MAP4K4: variants seen among roughly 807,000 people sequenced by gnomAD.
MAP4K4 encodes mitogen-activated protein kinase kinase kinase kinase 4, also known as HPK/GCK-like kinase HGK.
In MAP4K4, 38 loss-of-function variants were observed where a neutral mutation model predicts 189.6. The ratio of observed to expected loss-of-function variants is 0.20; its 90% CI spans 0.15 to 0.26. The LOEUF (loss-of-function observed/expected upper bound fraction) is 0.26, where lower values mean the gene tolerates loss of function less well. Among genes scored for constraint, MAP4K4 ranks in the 10% least tolerant of loss-of-function variants. The pLI is 1.00. For missense variants in MAP4K4, 1,054 were observed against 1,726.9 expected (o/e 0.61, Z 6.91); for synonymous variants, 610 against 624.3 (o/e 0.98, Z 0.34).
At chr2:101,785,489 G>C (rs1575509982) in intron 2 of MAP4K4, among the ~76,000 whole-genome samples, 1 of 152,130 alleles carries the variant, frequency 6.6e-6, no homozygotes, top group African/African-American at 2.4e-5. Context: ...ACTCCTCACA[G>C]TTCCTCTTAA....
intron 3 of MAP4K4, among the ~76,000 whole-genome samples, chr2:101,820,937 G>A (rs2096012857): frequency 6.6e-6 from 1 of 152,144 alleles, no homozygotes; most frequent in Non-Finnish European, 1.5e-5. Flanking sequence ...TTATTTGGGG[G>A]CATGCTTCCT....
At chr2:101,708,509 G>C (rs950506818) in intron 2 of MAP4K4, among the ~76,000 whole-genome samples, 1 of 152,238 alleles carries the variant, frequency 6.6e-6, no homozygotes, top group African/African-American at 2.4e-5. Context: ...AGGATGCCAA[G>C]CAGTGCCATG....
chr2:101,847,917 TTATAGCA>T (rs1056499150), intron 12 of MAP4K4, among the ~76,000 whole-genome samples: 9 of 152,198 alleles, frequency 5.9e-5, no homozygotes, highest in Non-Finnish European at 1.2e-4. Context: ...TTGTAATCTT[TTATAGCA>T]TGTTTTTACT....
chr2:101,716,313 G>GT, intron 2 of MAP4K4, among the ~76,000 whole-genome samples: 1 of 152,084 alleles, frequency 6.6e-6, no homozygotes, highest in Non-Finnish European at 1.5e-5. Context: ...CGTGGTGGCA[G>GT]GTGCCTGTAG....
At chr2:101,751,719 GCTTTCA>G (rs796586735) in intron 2 of MAP4K4, among the ~76,000 whole-genome samples, 51 of 152,230 alleles carry the variant, frequency 3.4e-4, no homozygotes, top group African/African-American at 1.1e-3. Flanking sequence ...AACTAAACTG[GCTTTCA>G]TTTAAAACCA....
chr2:101,777,758 G>T (rs1462897468), intron 2 of MAP4K4, among the ~76,000 whole-genome samples: 4 of 152,182 alleles, frequency 2.6e-5, no homozygotes, highest in Admixed American at 1.3e-4. Context: ...CTAGAGCACA[G>T]ATTTTGCACA....
chr2:101,714,777 T>C (rs989081086), intron 2 of MAP4K4, among the ~76,000 whole-genome samples: 2 of 152,200 alleles, frequency 1.3e-5, no homozygotes, highest in African/African-American at 4.8e-5. Flanking sequence ...AACTCTCTGG[T>C]AAAAGAATGT....
intron 3 of MAP4K4, among the ~76,000 whole-genome samples, chr2:101,796,544 T>C (rs1400912580): frequency 6.6e-6 from 1 of 152,228 alleles, no homozygotes; most frequent in Non-Finnish European, 1.5e-5. Context: ...TGTGAAAGTA[T>C]AACCATTTCA....
chr2:101,801,741 C>T (rs1434402027), intron 3 of MAP4K4, among the ~76,000 whole-genome samples: 1 of 152,192 alleles, frequency 6.6e-6, no homozygotes, highest in African/African-American at 2.4e-5. Context: ...AGACACCTCT[C>T]CTGAGTGCTG....
chr2:101,713,301 T>C (rs1277735980), intron 2 of MAP4K4, among the ~76,000 whole-genome samples: 1 of 152,020 alleles, frequency 6.6e-6, no homozygotes, highest in Non-Finnish European at 1.5e-5. Flanking sequence ...ATTAAAAAAT[T>C]TTTAATCCCT....
chr2:101,755,929 CTTTTTTTTTTTTTTTTTTT>C (rs57392183), intron 2 of MAP4K4, among the ~76,000 whole-genome samples: 2 of 57,742 alleles, frequency 3.5e-5, no homozygotes, highest in East Asian at 1.3e-3. Context: ...AGTTCTTTTT[CTTTTTTTTTTTTTTTTTTT>C]TTTTTTTTTT....
chr2:101,822,701 G>GTGTGAGTA, intron 3 of MAP4K4, among the ~76,000 whole-genome samples: 1 of 152,272 alleles, frequency 6.6e-6, no homozygotes, highest in Non-Finnish European at 1.5e-5. Flanking sequence ...CAAGTTGTGT[G>GTGTGAGTA]TGTGAGTATG....
intron 27 of MAP4K4, among the ~76,000 whole-genome samples, chr2:101,880,873 A>G (rs2098367618): frequency 6.6e-6 from 1 of 152,056 alleles, no homozygotes; most frequent in African/African-American, 2.4e-5. Context: ...GCTAATAACC[A>G]CACTGTTTTG....
At chr2:101,737,823 C>A (rs534615390) in intron 2 of MAP4K4, among the ~76,000 whole-genome samples, 44 of 152,282 alleles carry the variant, frequency 2.9e-4, no homozygotes, top group African/African-American at 1.0e-3. Flanking sequence ...TCTCTCCCCC[C>A]TCTTTCTCCC....
exon 17 of MAP4K4, chr2:101,863,990 A>G (rs1386619464): frequency 3.7e-6 from 5 of 1,367,748 alleles, no homozygotes; most frequent in Non-Finnish European, 4.9e-6. Context: ...TCTAAGTCAG[A>G]GGCGCCTGAC....
intron 2 of MAP4K4, among the ~76,000 whole-genome samples, chr2:101,734,364 C>G (rs2059594430): frequency 6.6e-6 from 1 of 152,156 alleles, no homozygotes; most frequent in Non-Finnish European, 1.5e-5. Context: ...ACTGAAAAGT[C>G]TCACAGATAA....
chr2:101,810,899 G>A (rs1014700535), intron 3 of MAP4K4, among the ~76,000 whole-genome samples: 6 of 152,150 alleles, frequency 3.9e-5, no homozygotes, highest in Non-Finnish European at 7.3e-5. Context: ...AACACTAGCT[G>A]TTGAATGTGC....
chr2:101,725,988 C>A (rs573518528), intron 2 of MAP4K4, among the ~76,000 whole-genome samples: 1 of 142,026 alleles, frequency 7.0e-6, no homozygotes. Context: ...TCTTATGAGT[C>A]TCCTGCATAT....
chr2:101,852,908 C>A (rs942009380), intron 12 of MAP4K4, among the ~76,000 whole-genome samples: 9 of 152,180 alleles, frequency 5.9e-5, no homozygotes, highest in African/African-American at 2.2e-4. Context: ...AATGTAAATA[C>A]TAATCAGTGT....
Sources: allele counts gnomAD v4.1 joint callset (sites outside exome capture counted in the v4.1 genomes callset), GRCh38; gene constraint gnomAD v4.1.1; transcripts MANE v1.5; gene names NCBI Gene and HGNC (gene_info 2026-07-23, HGNC 2026-07-21).